GEMIN8: variants seen among roughly 807,000 people sequenced by gnomAD.
The protein encoded by GEMIN8 is gem-associated protein 8.
For missense variants in GEMIN8, 185 were observed against 205.9 expected, an observed-to-expected ratio of 0.90 and a Z score of 0.62; for synonymous variants, 80 against 78.5, an observed-to-expected ratio of 1.02 and a Z score of -0.10.
chrX:14,013,157 G>A (rs1040480186), intron 4 of GEMIN8, among the ~76,000 whole-genome samples: 1 of 111,612 alleles, frequency 9.0e-6, no homozygotes, highest in Non-Finnish European at 1.9e-5. Context: ...TCCTTCCAAC[G>A]AAAACGGATT....
intron 4 of GEMIN8, chrX:14,013,874 G>C: frequency 1.7e-6 from 1 of 587,097 alleles, no homozygotes. Flanking sequence ...TATGCATATA[G>C]GTTAAAACAA....
the GEMIN8 span, among the ~76,000 whole-genome samples, chrX:13,994,876 G>C: frequency 3.6e-3 from 407 of 112,066 alleles, 1 homozygote; most frequent in African/African-American, 0.011. Flanking sequence ...TTCTCTAGAG[G>C]GACAGGACTA....
the GEMIN8 span, among the ~76,000 whole-genome samples, chrX:14,001,252 T>C: frequency 8.9e-6 from 1 of 112,094 alleles, no homozygotes; most frequent in Non-Finnish European, 1.9e-5. Context: ...AAACCCCAGG[T>C]ATCATATCAG....
the GEMIN8 span, chrX:13,988,946 A>G: frequency 5.1e-4 from 56 of 108,891 alleles, no homozygotes; most frequent in African/African-American, 1.5e-3. Flanking sequence ...GAACTGGGTT[A>G]TAGAACTTGA....
At chrX:14,017,779 T>C (rs1286350767) in intron 4 of GEMIN8, among the ~76,000 whole-genome samples, 1 of 112,285 alleles carries the variant, frequency 8.9e-6, no homozygotes, top group East Asian at 2.8e-4. Context: ...CTGAGTCACA[T>C]AGGATTAGGA....
intron 1 of GEMIN8, 101 bp from the exon 2 acceptor site, chrX:14,026,322 C>T: frequency 1.3e-6 from 1 of 748,997 alleles, no homozygotes; most frequent in Non-Finnish European, 1.6e-6. Flanking sequence ...ATGGCCACCA[C>T]CCAGCTGAGC....
At chrX:14,000,798 T>C in the GEMIN8 span, among the ~76,000 whole-genome samples, 180 of 111,655 alleles carry the variant, frequency 1.6e-3, no homozygotes, top group African/African-American at 5.5e-3. Context: ...TCTAACACCA[T>C]ATTATTTATT....
Position 14,020,406 on chromosome X carries a change from G to A in GEMIN8, c.144C>T (p.Ser48=). ...HHNAYRKAVE[S]CFNLPWYLPS... Reference sequence around the variant, plus strand: ...GTAAGTACCATGGAAGATTGAAACAGGATTCCACGGCCTTCCTGTAGGCAT... The same window carrying A: ...GTAAGTACCATGGAAGATTGAAACAAGATTCCACGGCCTTCCTGTAGGCAT... The change falls in exon 4 of 5, where the codon TCC becomes TCT. Residue 48 remains serine, a synonymous_variant. Coordinates refer to ENST00000680255, the MANE Select transcript of GEMIN8 (RefSeq NM_001042479.2). The A allele has an allele frequency of 1.7e-6, 2 of 1,207,912 alleles. No homozygotes were observed. Among genetic ancestry groups the A allele is most frequent in the Non-Finnish European group, 2.2e-6 (2 of 892,016 alleles).
chrX:14,020,330 G>T lies in GEMIN8; in HGVS notation c.220C>A (p.Gln74Lys), dbSNP rs1253136335. The T allele has an allele frequency of 8.3e-7, 1 of 1,208,496 alleles. No individual in the cohort carries two copies. Among genetic ancestry groups the T allele is most frequent in the South Asian group, 1.8e-5 (1 of 56,958 alleles). The change falls in exon 4 of 5, where the codon CAG becomes AAG. Residue 74 changes from glutamine (Q) to lysine (K), a missense_variant. By Grantham distance (53) the Gln-to-Lys change is moderately conservative (BLOSUM62 1). Transcript: ENST00000680255. Reference protein sequence around the residue: ...SSYDNEAAYPQSFYDHHVAWQ... With the variant: ...SSYDNEAAYPKSFYDHHVAWQ... ...GCCACATGATGGTCATAGAAGGACT[G>T]AGGATACGCAGCCTCATTATCGTAA...
chrX:13,988,726 C>G, the GEMIN8 span: 4 of 99,272 alleles, frequency 4.0e-5, no homozygotes, highest in Middle Eastern at 4.7e-3. Context: ...GTTTCAGGTC[C>G]CCCAAAGTTT....
At chrX:13,989,305 G>C in the GEMIN8 span, among the ~76,000 whole-genome samples, 6 of 109,534 alleles carry the variant, frequency 5.5e-5, no homozygotes, top group African/African-American at 2.0e-4. Context: ...GTCTTGCCAT[G>C]TTGCCCAGGT....
chrX:13,998,399 G>A, the GEMIN8 span, among the ~76,000 whole-genome samples: 1 of 109,948 alleles, frequency 9.1e-6, no homozygotes, highest in Non-Finnish European at 1.9e-5. Context: ...TTGTGATAGT[G>A]AATTGAGTTC....
downstream of GEMIN8, among the ~76,000 whole-genome samples, chrX:14,004,124 T>C (rs922125098): frequency 7.1e-5 from 8 of 112,363 alleles, no homozygotes; most frequent in Non-Finnish European, 1.3e-4. Context: ...TTCTAGATTT[T>C]AGTACATATA....
At chrX:14,013,756 G>A (rs892344922) in intron 4 of GEMIN8, 23 of 116,726 alleles carry the variant, frequency 2.0e-4, no homozygotes, top group African/African-American at 7.0e-4. Context: ...CCTGTTGACC[G>A]CTTGATTTGA....
chrX:14,026,574 G>A (rs759357318), intron 1 of GEMIN8, among the ~76,000 whole-genome samples: 10 of 112,453 alleles, frequency 8.9e-5, no homozygotes, highest in African/African-American at 2.6e-4. Flanking sequence ...CAATAGATAA[G>A]AGCTTTGTAG....
At chrX:14,004,116 C>T (rs1302805770), downstream of GEMIN8, among the ~76,000 whole-genome samples, 2 of 112,162 alleles carry the variant, frequency 1.8e-5, no homozygotes, top group East Asian at 5.6e-4. Flanking sequence ...ATGCATGTTT[C>T]TAGATTTTAG....
the GEMIN8 span, among the ~76,000 whole-genome samples, chrX:14,001,178 C>T: frequency 2.7e-5 from 3 of 112,199 alleles, no homozygotes; most frequent in African/African-American, 9.7e-5. Flanking sequence ...TAATTCTCAA[C>T]ATTTTGCTGA....
intron 4 of GEMIN8, among the ~76,000 whole-genome samples, chrX:14,010,599 T>C (rs1048520485): frequency 1.8e-5 from 2 of 112,623 alleles, no homozygotes; most frequent in South Asian, 3.7e-4. Context: ...GTCGCTCGCA[T>C]AAATCCTGCT....
intron 4 of GEMIN8, among the ~76,000 whole-genome samples, chrX:14,016,390 T>C (rs1923899483): frequency 8.9e-6 from 1 of 112,192 alleles, no homozygotes; most frequent in South Asian, 3.6e-4. Flanking sequence ...AAGAATATCC[T>C]TGAAACAGAA....
Sources: allele counts gnomAD v4.1 joint callset (sites outside exome capture counted in the v4.1 genomes callset), GRCh38; gene constraint gnomAD v4.1.1; transcripts MANE v1.5; gene names NCBI Gene and HGNC (gene_info 2026-07-23, HGNC 2026-07-21).